DIAPH2: variants seen among roughly 807,000 people sequenced by gnomAD.
DIAPH2 encodes diaphanous related formin 2.
DIAPH2 carries 35 observed loss-of-function variants against 92.7 expected under a neutral mutation model. The observed-to-expected ratio is 0.38, with a 90% CI of 0.29 to 0.50. The LOEUF is 0.50. Ranked by LOEUF, DIAPH2 falls within the 20% of genes least tolerant of loss-of-function variation. The pLI is 0.94. For synonymous variants in DIAPH2, 301 were observed against 280.4 expected (o/e 1.07, Z -0.73); for missense variants, 701 against 819.5 (o/e 0.86, Z 1.77).
intron 4 of DIAPH2, among the ~76,000 whole-genome samples, chrX:96,866,868 A>C (rs963473060): frequency 8.9e-6 from 1 of 112,387 alleles, no homozygotes; most frequent in African/African-American, 3.2e-5. Flanking sequence ...TCTGAGAAGT[A>C]AATGACATGC....
intron 21 of DIAPH2, among the ~76,000 whole-genome samples, chrX:97,130,368 A>T (rs768448322): frequency 2.9e-4 from 33 of 112,163 alleles, no homozygotes; most frequent in African/African-American, 1.0e-3. Flanking sequence ...CCATTGAGTG[A>T]TGAATGGATA....
chrX:96,797,641 G>A (rs191989747), intron 4 of DIAPH2, among the ~76,000 whole-genome samples: 3 of 111,979 alleles, frequency 2.7e-5, no homozygotes, highest in African/African-American at 9.7e-5. Flanking sequence ...AAGAGACGGA[G>A]GGGGAGGTGC....
At chrX:96,731,466 G>T (rs2064055097) in intron 1 of DIAPH2, among the ~76,000 whole-genome samples, 1 of 111,312 alleles carries the variant, frequency 9.0e-6, no homozygotes, top group African/African-American at 3.3e-5. Flanking sequence ...TGAATTATAT[G>T]CAACTTAGTT....
intron 3 of DIAPH2, among the ~76,000 whole-genome samples, chrX:96,754,923 C>CAAAAAAAAA (rs1007573600): frequency 1.2e-4 from 2 of 16,004 alleles, no homozygotes; most frequent in Non-Finnish European, 2.1e-4. Context: ...GTCTCCACCT[C>CAAAAAAAAA]AAAAAAAAAA....
chrX:96,748,492 C>T (rs1050181164), intron 3 of DIAPH2, among the ~76,000 whole-genome samples: 3 of 111,779 alleles, frequency 2.7e-5, no homozygotes, highest in East Asian at 2.8e-4. Context: ...CTGAATTATC[C>T]GTCTTTATTT....
chrX:97,448,026 A>G (rs1480808062), intron 26 of DIAPH2, among the ~76,000 whole-genome samples: 1 of 112,618 alleles, frequency 8.9e-6, no homozygotes, highest in Non-Finnish European at 1.9e-5. Context: ...TTCTAAAAAT[A>G]TTAGTTGAGA....
intron 4 of DIAPH2, among the ~76,000 whole-genome samples, chrX:96,837,679 T>C (rs761910389): frequency 1.8e-5 from 2 of 111,526 alleles, no homozygotes; most frequent in Non-Finnish European, 3.8e-5. Flanking sequence ...ACTTGGATTT[T>C]GGTTATAAAA....
intron 4 of DIAPH2, among the ~76,000 whole-genome samples, chrX:96,855,701 A>G (rs2065035465): frequency 9.0e-6 from 1 of 110,663 alleles, no homozygotes; most frequent in African/African-American, 3.3e-5. Flanking sequence ...GGCTTCCCTG[A>G]GGAAGTGATA....
chrX:97,359,404 G>T (rs760931218), intron 24 of DIAPH2, among the ~76,000 whole-genome samples: 67 of 109,381 alleles, frequency 6.1e-4, no homozygotes, highest in Non-Finnish European at 1.1e-3. Flanking sequence ...GCAATGTTAC[G>T]ATTTAAAATG....
At chrX:97,407,184 C>T (rs749035697) in intron 25 of DIAPH2, among the ~76,000 whole-genome samples, 2 of 111,020 alleles carry the variant, frequency 1.8e-5, no homozygotes, top group East Asian at 2.8e-4. Flanking sequence ...TGATCCATGC[C>T]GAAAGTATAA....
At chrX:97,101,698 A>G (rs2066907047) in intron 20 of DIAPH2, among the ~76,000 whole-genome samples, 1 of 112,379 alleles carries the variant, frequency 8.9e-6, no homozygotes, top group African/African-American at 3.2e-5. Flanking sequence ...GAACAATATC[A>G]TGTATTAAAT....
chrX:97,261,698 C>T (rs943549065), intron 23 of DIAPH2, among the ~76,000 whole-genome samples: 5 of 111,026 alleles, frequency 4.5e-5, no homozygotes, highest in African/African-American at 9.8e-5. Context: ...TGAGCCACCA[C>T]GCCTGGCCTC....
intron 4 of DIAPH2, among the ~76,000 whole-genome samples, chrX:96,851,311 C>T (rs2065004876): frequency 9.0e-6 from 1 of 111,270 alleles, no homozygotes; most frequent in Non-Finnish European, 1.9e-5. Flanking sequence ...TCACGTTGCC[C>T]AGGCTGGTCT....
In DIAPH2 at chrX:97,164,467, TAAAAGAAAAAAAG is replaced by T. The variant is rs767229440; in HGVS notation, c.2719+22688_2719+22700del. ...ATGGTTCTGAGTGAGCACTACCATTTAAAAGAAAAAAAGAAAAGAAAAAAAGAGTGTGAATTGC... is the reference window on the plus strand; with the variant it reads ...ATGGTTCTGAGTGAGCACTACCATTTAAAAGAAAAAAAGAGTGTGAATTGC... On this transcript the variant is annotated intron_variant, in intron 22 of 26. Transcript: ENST00000324765. Among the ~76,000 whole-genome samples, 25 of 112,078 alleles carry T rather than the reference TAAAAGAAAAAAAG, an allele frequency of 2.2e-4. No individual in the cohort carries two copies. The South Asian group carries it at 9.3e-3, about 42-fold the overall frequency.
At position 97,547,026 on chromosome X, in the gene DIAPH2, T is replaced by C. The variant is rs368845363; in HGVS notation, c.3242-52227T>C. On this transcript the variant is annotated intron_variant, in intron 26 of 26. Transcript: ENST00000324765. Reference sequence around the variant, plus strand: ...CAACTTAAGAAGAAGTTGTAACACATGCAACTCCAAATTATTCTTATTCAT... The same window carrying C: ...CAACTTAAGAAGAAGTTGTAACACACGCAACTCCAAATTATTCTTATTCAT... Among the ~76,000 whole-genome samples, 4 of 111,969 alleles carry C rather than the reference T, an allele frequency of 3.6e-5. No homozygotes were observed. The East Asian group carries it at 8.4e-4, about 24-fold the overall frequency.
At chrX:96,815,130 G>C (rs926010364) in intron 4 of DIAPH2, among the ~76,000 whole-genome samples, 4 of 112,132 alleles carry the variant, frequency 3.6e-5, no homozygotes, top group African/African-American at 1.3e-4. Flanking sequence ...GCTATGCCCT[G>C]CCCCCCGAGG....
At chrX:97,261,209 G>C (rs1305030608) in intron 23 of DIAPH2, among the ~76,000 whole-genome samples, 2 of 112,543 alleles carry the variant, frequency 1.8e-5, no homozygotes, top group Non-Finnish European at 3.8e-5. Context: ...GTGTGTGCAC[G>C]TGTGTGTGCA....
At chrX:97,064,168 G>A (rs1004132173) in intron 17 of DIAPH2, among the ~76,000 whole-genome samples, 3 of 111,674 alleles carry the variant, frequency 2.7e-5, no homozygotes, top group South Asian at 3.8e-4. Flanking sequence ...CAAACCTGAC[G>A]AATACATTTT....
chrX:97,370,910 G>T (rs1338248343), intron 24 of DIAPH2, among the ~76,000 whole-genome samples: 9 of 112,199 alleles, frequency 8.0e-5, no homozygotes, highest in Non-Finnish European at 1.7e-4. Context: ...TCCAAAGGTG[G>T]CTATTTGTAG....
Sources: gnomAD v4.1 joint callset for allele counts (sites outside exome capture counted in the v4.1 genomes callset) on GRCh38, gnomAD v4.1.1 for gene constraint, MANE v1.5 for transcripts, NCBI Gene and HGNC (gene_info 2026-07-23, HGNC 2026-07-21) for gene names.